Variants in IFT25 observed in about 807,000 individuals in gnomAD.
IFT25 encodes the protein intraflagellar transport protein 25 homolog.
chr1:53,923,917 T>G, the IFT25 span: 6 of 1,592,384 alleles, frequency 3.8e-6, no homozygotes, highest in Non-Finnish European at 5.2e-6. Flanking sequence ...AATTTCTTCA[T>G]TTTGAAGCTG....
chr1:53,941,772 G>T, the IFT25 span, among the ~76,000 whole-genome samples: 1 of 152,162 alleles, frequency 6.6e-6, no homozygotes, highest in Non-Finnish European at 1.5e-5. Context: ...ACTAAAATTG[G>T]AAGTAGCAGT....
chr1:53,928,342 T>G, the IFT25 span: 1 of 1,544,776 alleles, frequency 6.5e-7, no homozygotes. Flanking sequence ...TACTCCTTCA[T>G]GCTCAGAACA....
At chr1:53,927,878 G>A in the IFT25 span, among the ~76,000 whole-genome samples, 2 of 152,112 alleles carry the variant, frequency 1.3e-5, no homozygotes, top group Admixed American at 6.5e-5. Context: ...TTTGCTGGTT[G>A]TTAAATCTTT....
chr1:53,914,109 T>C, the IFT25 span, among the ~76,000 whole-genome samples: 79 of 152,326 alleles, frequency 5.2e-4, no homozygotes, highest in Non-Finnish European at 6.0e-4. Context: ...ATTCTGTTAT[T>C]AACCTCGAGG....
chr1:53,927,852 C>T, the IFT25 span, among the ~76,000 whole-genome samples: 1 of 152,212 alleles, frequency 6.6e-6, no homozygotes, highest in Non-Finnish European at 1.5e-5. Flanking sequence ...ACACTGATCT[C>T]TCACATTTGC....
the IFT25 span, chr1:53,921,660 A>G: frequency 1.3e-6 from 2 of 1,588,474 alleles, no homozygotes; most frequent in Non-Finnish European, 1.7e-6. Context: ...ATTATGAGGA[A>G]AGATTTGAGA....
At chr1:53,916,893 G>A in the IFT25 span, 5 of 389,918 alleles carry the variant, frequency 1.3e-5, no homozygotes, top group Admixed American at 1.3e-4. Context: ...TGTAATCCCA[G>A]CACTTTGGGA....
At chr1:53,928,615 T>C in the IFT25 span, 5 of 543,660 alleles carry the variant, frequency 9.2e-6, no homozygotes, top group South Asian at 2.6e-5. Context: ...TGGTAAAATA[T>C]AGTCTTGTGT....
At chr1:53,941,367 G>C in the IFT25 span, among the ~76,000 whole-genome samples, 1 of 152,142 alleles carries the variant, frequency 6.6e-6, no homozygotes, top group East Asian at 1.9e-4. Context: ...TGGGATTAAA[G>C]GCATGCACCA....
the IFT25 span, among the ~76,000 whole-genome samples, chr1:53,918,908 G>A: frequency 1.4e-3 from 209 of 152,060 alleles, no homozygotes; most frequent in Non-Finnish European, 1.6e-3. Context: ...GCGTGATCTC[G>A]GCTCACTGCA....
At chr1:53,924,559 G>A in the IFT25 span, among the ~76,000 whole-genome samples, 5 of 152,116 alleles carry the variant, frequency 3.3e-5, no homozygotes, top group South Asian at 2.1e-4. Context: ...AATGACAGCC[G>A]GGCACAGTGG....
At chr1:53,911,769 C>T in the IFT25 span, among the ~76,000 whole-genome samples, 26 of 152,302 alleles carry the variant, frequency 1.7e-4, no homozygotes, top group African/African-American at 5.8e-4. Context: ...TTCCTGCCAG[C>T]TGGGTGACTT....
the IFT25 span, among the ~76,000 whole-genome samples, chr1:53,927,267 C>T: frequency 4.2e-3 from 645 of 152,270 alleles, 3 homozygotes; most frequent in African/African-American, 0.015. Flanking sequence ...AATAAGGTGA[C>T]CAGAAATGAG....
chr1:53,916,551 T>C, the IFT25 span: 1 of 176,160 alleles, frequency 5.7e-6, no homozygotes, highest in African/African-American at 2.4e-5. Flanking sequence ...CATTTCAATT[T>C]AGAAACTTGG....
At chr1:53,940,447 A>G in the IFT25 span, among the ~76,000 whole-genome samples, 18 of 152,370 alleles carry the variant, frequency 1.2e-4, no homozygotes, top group African/African-American at 4.3e-4. Context: ...AAAGAGAAAC[A>G]AAAGAATAAA....
chr1:53,913,349 G>A, the IFT25 span, among the ~76,000 whole-genome samples: 1 of 152,206 alleles, frequency 6.6e-6, no homozygotes, highest in African/African-American at 2.4e-5. Context: ...TCTCCTGAGA[G>A]CGCTCCCTCA....
the IFT25 span, chr1:53,924,080 T>C: frequency 3.1e-6 from 2 of 647,208 alleles, no homozygotes; most frequent in Admixed American, 2.7e-5. Flanking sequence ...ATCGTTTGCA[T>C]GTTGAAATTT....
chr1:53,935,458 G>T, the IFT25 span, among the ~76,000 whole-genome samples: 4 of 152,160 alleles, frequency 2.6e-5, no homozygotes, highest in African/African-American at 9.7e-5. Context: ...CTTGTGTGGG[G>T]TTTCTTTTTG....
At chr1:53,939,216 C>T in the IFT25 span, among the ~76,000 whole-genome samples, 1 of 150,946 alleles carries the variant, frequency 6.6e-6, no homozygotes, top group African/African-American at 2.4e-5. Flanking sequence ...ACGGTGAAAT[C>T]CCATCTCTAC....
Sources: gnomAD v4.1 joint callset for allele counts (sites outside exome capture counted in the v4.1 genomes callset) on GRCh38, gnomAD v4.1.1 for gene constraint, MANE v1.5 for transcripts, NCBI Gene and HGNC (gene_info 2026-07-23, HGNC 2026-07-21) for gene names.